Variants in ZNF420 observed in about 807,000 individuals in gnomAD.
ZNF420 encodes ATM and p53-associated KZNF protein.
Under a neutral mutation model 44.7 loss-of-function variants are expected in ZNF420, and 31 were observed. The observed-to-expected ratio is 0.69, with a 90% CI of 0.52 to 0.94. The LOEUF (loss-of-function observed/expected upper bound fraction) is 0.94, where lower values mean the gene tolerates loss of function less well. Ranked by LOEUF, ZNF420 falls within the 40% of genes least tolerant of loss-of-function variation. The pLI, the probability that ZNF420 is intolerant of heterozygous loss-of-function variation, is 0.00. For synonymous variants in ZNF420, 245 were observed against 267.4 expected (o/e 0.92, Z 0.82); for missense variants, 681 against 827.9 (o/e 0.82, Z 2.18).
intron 2 of ZNF420, among the ~76,000 whole-genome samples, chr19:37,082,810 T>C (rs1053104691): frequency 6.6e-6 from 1 of 152,238 alleles, no homozygotes; most frequent in Admixed American, 6.5e-5. Flanking sequence ...AATGCAGTTA[T>C]GCTCATTTGT....
intron 1 of ZNF420, among the ~76,000 whole-genome samples, chr19:37,039,988 C>T (rs1428633244): frequency 6.6e-6 from 1 of 152,136 alleles, no homozygotes; most frequent in Admixed American, 6.6e-5. Context: ...CCTCAGCCTC[C>T]CAGAGTGCTG....
rs140027212 is a variant in ZNF420 at position 37,128,979 on chromosome 19, G to T, written c.1988G>T (p.Arg663Ile). The T allele has an allele frequency of 2.5e-6, 4 of 1,614,124 alleles. No homozygotes were observed. Among genetic ancestry groups the T allele is most frequent in the East Asian group, 2.2e-5 (1 of 44,888 alleles). Residue 663 changes from arginine (R) to isoleucine (I), a missense_variant, in exon 5 of 5, where the codon AGA becomes ATA. Around this residue, in one of 3 missense-constraint regions of ZNF420, gnomAD observed 280 missense variants for 338.6 expected, o/e 0.83. Coordinates refer to ENST00000337995, the MANE Select transcript of ZNF420 (RefSeq NM_144689.5). ...TRGSQLTQHQ[R>I]IHISEKSFEY... ...GGTTCACAGCTAACTCAACATCAGA[G>T]AATTCATATCAGTGAGAAATCTTTT...
At chr19:37,097,764 A>G (rs1368868110) in intron 4 of ZNF420, among the ~76,000 whole-genome samples, 2 of 152,138 alleles carry the variant, frequency 1.3e-5, no homozygotes, top group Non-Finnish European at 2.9e-5. Flanking sequence ...TATGATCATG[A>G]TGTGTTATGC....
At position 37,127,333 on chromosome 19, in the gene ZNF420, T is replaced by G. The variant is rs772507713; in HGVS notation, c.342T>G (p.Tyr114Ter). Residue 114 changes from tyrosine (Y) to a stop codon, truncating the protein, a stop_gained, in exon 5 of 5, where the codon TAT (tyrosine) becomes TAG (stop). Coordinates refer to ENST00000337995, the MANE Select transcript of ZNF420 (RefSeq NM_144689.5). LOFTEE classifies it low-confidence loss of function (END_TRUNC). The part of the protein sequence containing the change: ...KEYFRQGMII[Y>*]DKMSIFNQHT... ...ATTTCAGGCAAGGGATGATCATATA[T>G]GACAAAATGTCCATTTTCAACCAGC... The G allele has an allele frequency of 1.4e-5, 23 of 1,611,680 alleles. No homozygotes were observed. Among genetic ancestry groups the G allele is most frequent in the Non-Finnish European group, 1.6e-5 (19 of 1,178,320 alleles).
chr19:37,123,905 G>A (rs1165068525), intron 4 of ZNF420, among the ~76,000 whole-genome samples: 1 of 151,996 alleles, frequency 6.6e-6, no homozygotes, highest in East Asian at 1.9e-4. Context: ...ACTGCGCCCA[G>A]CCTTAATCTT....
intron 1 of ZNF420, among the ~76,000 whole-genome samples, chr19:37,055,480 A>G (rs1967725523): frequency 6.6e-6 from 1 of 152,076 alleles, no homozygotes; most frequent in Admixed American, 6.6e-5. Flanking sequence ...CTCTCCAACA[A>G]CGCCCGCTAC....
chr19:37,048,039 A>C (rs904739169), intron 1 of ZNF420, among the ~76,000 whole-genome samples: 2 of 152,158 alleles, frequency 1.3e-5, no homozygotes, highest in African/African-American at 4.8e-5. Flanking sequence ...TCATACACAC[A>C]ACATTTGGGG....
chr19:37,022,194 C>A (rs112881145), intron 1 of ZNF420, among the ~76,000 whole-genome samples: 2,546 of 151,098 alleles, frequency 0.017, 77 homozygotes, highest in African/African-American at 0.058. Context: ...GCAAAAAAAT[C>A]TAATGTGGCA....
At chr19:37,046,837 G>A (rs1568428545) in intron 1 of ZNF420, among the ~76,000 whole-genome samples, 1 of 151,900 alleles carries the variant, frequency 6.6e-6, no homozygotes, top group Non-Finnish European at 1.5e-5. Context: ...AAACAGAAAA[G>A]CAAAACAACA....
At chr19:37,101,939 G>C (rs1969801552) in intron 4 of ZNF420, among the ~76,000 whole-genome samples, 1 of 152,166 alleles carries the variant, frequency 6.6e-6, no homozygotes, top group Non-Finnish European at 1.5e-5. Flanking sequence ...TGTTGGCTTA[G>C]ACAGGTGTAC....
At chr19:37,023,654 C>G (rs904503157) in intron 1 of ZNF420, among the ~76,000 whole-genome samples, 16 of 152,184 alleles carry the variant, frequency 1.1e-4, no homozygotes, top group Admixed American at 3.3e-4. Context: ...GCGTGAGCCA[C>G]TGTGCCCAGC....
intron 1 of ZNF420, among the ~76,000 whole-genome samples, chr19:37,039,337 T>G (rs901737512): frequency 1.3e-5 from 2 of 152,190 alleles, no homozygotes; most frequent in Non-Finnish European, 2.9e-5. Flanking sequence ...TAATAAGACT[T>G]GAAAATCAAA....
intron 4 of ZNF420, among the ~76,000 whole-genome samples, chr19:37,105,020 A>G (rs1034512931): frequency 2.0e-5 from 3 of 152,076 alleles, no homozygotes; most frequent in East Asian, 3.9e-4. Context: ...CCATTTGTCA[A>G]TTTTGGCTTT....
intron 4 of ZNF420, among the ~76,000 whole-genome samples, chr19:37,104,639 C>T (rs984267001): frequency 1.1e-4 from 17 of 152,180 alleles, no homozygotes; most frequent in African/African-American, 3.9e-4. Flanking sequence ...ACATCCTCTC[C>T]AGCACCTGTT....
At chr19:37,051,590 T>C (rs1347305794) in intron 1 of ZNF420, among the ~76,000 whole-genome samples, 1 of 152,178 alleles carries the variant, frequency 6.6e-6, no homozygotes, top group East Asian at 1.9e-4. Context: ...TTTTATTGCA[T>C]CTATTTGATT....
chr19:37,055,774 A>G (rs1158433878), intron 1 of ZNF420, among the ~76,000 whole-genome samples: 2 of 152,154 alleles, frequency 1.3e-5, no homozygotes, highest in African/African-American at 4.8e-5. Context: ...CTGTTTCAGG[A>G]TTCCAGGAGA....
intron 1 of ZNF420, among the ~76,000 whole-genome samples, chr19:37,047,777 C>T (rs1191359177): frequency 6.6e-6 from 1 of 152,130 alleles, no homozygotes; most frequent in Admixed American, 6.6e-5. Flanking sequence ...TCTGCAGCAA[C>T]GTAAGTATTA....
intron 1 of ZNF420, among the ~76,000 whole-genome samples, chr19:37,042,940 T>C (rs1967482478): frequency 6.6e-6 from 1 of 151,988 alleles, no homozygotes; most frequent in Admixed American, 6.6e-5. Context: ...TATTTTTGAG[T>C]CTCAAGGAAG....
chr19:37,068,007 A>G (rs951174031), intron 1 of ZNF420, among the ~76,000 whole-genome samples: 2 of 152,070 alleles, frequency 1.3e-5, no homozygotes, highest in Non-Finnish European at 2.9e-5. Context: ...GTGTGTGTAT[A>G]TATATATATA....
Sources: allele counts gnomAD v4.1 joint callset (sites outside exome capture counted in the v4.1 genomes callset), GRCh38; gene constraint gnomAD v4.1.1; regional missense constraint gnomAD v4.1.1; transcripts MANE v1.5; gene names NCBI Gene and HGNC (gene_info 2026-07-23, HGNC 2026-07-21).